The following MGA variants were observed in gnomAD, a reference collection of about 807,000 sequenced individuals.
MGA encodes MAX gene-associated protein.
MGA carries 40 observed loss-of-function variants against 261.1 expected under a neutral mutation model. That is an observed-to-expected ratio of 0.15 (90% CI 0.12 to 0.20). MGA has a LOEUF of 0.20. MGA is among the 10% of genes least tolerant of loss of function. The probability of loss-of-function intolerance (pLI) is 1.00; values close to 1 mark genes in which losing one functional copy is unlikely to be tolerated. For missense variants in MGA, 3,397 were observed against 3,630.5 expected (o/e 0.94, Z 1.65); for synonymous variants, 1,302 against 1,290.6 (o/e 1.01, Z -0.19).
intron 11 of MGA, among the ~76,000 whole-genome samples, chr15:41,731,369 A>T (rs2061501763): frequency 6.6e-6 from 1 of 151,504 alleles, no homozygotes; most frequent in Non-Finnish European, 1.5e-5. Flanking sequence ...GAAAATTTTA[A>T]TTGCCTTTTT....
chr15:41,677,178 C>G (rs565303276), intron 2 of MGA, among the ~76,000 whole-genome samples: 3 of 152,242 alleles, frequency 2.0e-5, no homozygotes, highest in African/African-American at 7.2e-5. Flanking sequence ...CTCGCTCTGT[C>G]GCCCCCAGGC....
chr15:41,727,112 G>T, intron 9 of MGA, 68 bp from the exon 10 acceptor site: 2 of 1,235,098 alleles, frequency 1.6e-6, no homozygotes, highest in Non-Finnish European at 1.1e-6. Flanking sequence ...ATTTTGTTTT[G>T]GCAGTGCCTC....
intron 1 of MGA, among the ~76,000 whole-genome samples, chr15:41,632,484 A>G (rs917435126): frequency 3.3e-5 from 5 of 152,186 alleles, no homozygotes; most frequent in African/African-American, 1.2e-4. Flanking sequence ...GAATGCTGGA[A>G]CCTTTTCAGA....
rs139904313 is a variant in MGA at position 41,695,955 on chromosome 15, A to G, written c.1065-120A>G. 597 of 740,158 alleles carry G rather than the reference A, an allele frequency of 8.1e-4. 2 individuals are homozygous for G. The East Asian group carries it at 0.015, about 18-fold the overall frequency. 45.8% of individuals were successfully genotyped at this position (740,158 alleles called of 1,614,324 possible). On this transcript the variant is annotated intron_variant, in intron 2 of 23. Transcript: ENST00000219905. ...TAGAGTTTTTGAGTGTTTTTGAGGA[A>G]TGGCTCAGGAAATCTGATGTGTTAC...
chr15:41,727,283 T>C lies in MGA; in HGVS notation c.3534T>C (p.Ser1178=), dbSNP rs183859994. The C allele has an allele frequency of 6.2e-7, 1 of 1,614,018 alleles. No homozygotes were observed. The highest frequency in any genetic ancestry group is 1.1e-5 in the South Asian group (1 of 91,088). Residue 1178 remains serine, a synonymous_variant, in exon 10 of 24, where the codon TCT becomes TCC. Coordinates refer to ENST00000219905, the MANE Select transcript of MGA (RefSeq NM_001164273.2). ...AACCAGTTTATATCCCCACGCCTTC[T>C]GTCATTGAGCCTATGAAACCATTGT...
At chr15:41,756,758 T>G (rs2063171666) in intron 18 of MGA, among the ~76,000 whole-genome samples, 1 of 152,180 alleles carries the variant, frequency 6.6e-6, no homozygotes, top group African/African-American at 2.4e-5. Flanking sequence ...TTTGTACTTT[T>G]ATTTTCGATA....
Position 41,725,561 on chromosome 15 carries a change from C to CATTTTTT in MGA, c.3431-1619_3431-1618insATTTTTT, listed in dbSNP as rs2061181128. Among the ~76,000 whole-genome samples, 165 of 53,526 alleles carry CATTTTTT rather than the reference C, an allele frequency of 3.1e-3. 1 individual carries two copies. Among genetic ancestry groups the CATTTTTT allele is most frequent in the Middle Eastern group, 0.012 (1 of 82 alleles). The allele number at this position is 53,526 out of a possible 152,430, so 35.1% of individuals were successfully genotyped here. ...AAAAATAAATAAGTAGGGCCGGGCG[C>CATTTTTT]GGTGGCTCACGCCTGTAATCCCAGC... On this transcript the variant is annotated intron_variant, in intron 9 of 23. Transcript: ENST00000219905.
intron 19 of MGA, 130 bp downstream of exon 19, chr15:41,757,969 TA>T: frequency 1.5e-6 from 1 of 672,580 alleles, no homozygotes; most frequent in East Asian, 2.7e-5. Context: ...TGAGTTAATA[TA>T]ATCAGTTTTT....
intron 15 of MGA, among the ~76,000 whole-genome samples, chr15:41,745,281 T>TTAAAAAAAA (rs1555432883): frequency 4.2e-4 from 14 of 33,222 alleles, no homozygotes; most frequent in Admixed American, 1.2e-3. Flanking sequence ...GAATGATCAA[T>TTAAAAAAAA]AAAAAAAAAA....
At chr15:41,754,029 CCACCTCAGGTT>C (rs1487434945) in intron 17 of MGA, among the ~76,000 whole-genome samples, 1 of 152,122 alleles carries the variant, frequency 6.6e-6, no homozygotes, top group Admixed American at 6.5e-5. Context: ...AGCAATCCTC[CCACCTCAGGTT>C]TCCGAGTAGC....
intron 19 of MGA, among the ~76,000 whole-genome samples, chr15:41,758,676 G>A (rs1361303475): frequency 6.6e-6 from 1 of 152,086 alleles, no homozygotes; most frequent in Non-Finnish European, 1.5e-5. Context: ...TATATTTAAT[G>A]TTTATATTGC....
intron 2 of MGA, among the ~76,000 whole-genome samples, chr15:41,692,187 C>G: frequency 6.6e-6 from 1 of 152,160 alleles, no homozygotes; most frequent in Non-Finnish European, 1.5e-5. Context: ...TTCAGCTCAC[C>G]TCTCGTTTCA....
chr15:41,636,396 G>A (rs987922314), intron 1 of MGA, among the ~76,000 whole-genome samples: 3 of 150,652 alleles, frequency 2.0e-5, no homozygotes, highest in African/African-American at 4.9e-5. Context: ...AGGTTCAAGC[G>A]TTTCTTCTGC....
intron 13 of MGA, among the ~76,000 whole-genome samples, chr15:41,738,964 A>T (rs1360556486): frequency 1.3e-5 from 2 of 152,154 alleles, no homozygotes; most frequent in Admixed American, 6.5e-5. Context: ...TCTCCTCACC[A>T]GTTCCCTGTT....
intron 2 of MGA, among the ~76,000 whole-genome samples, chr15:41,685,209 AT>A (rs1437018367): frequency 3.3e-5 from 5 of 152,200 alleles, no homozygotes; most frequent in Non-Finnish European, 7.3e-5. Context: ...AGCATCACTT[AT>A]TGAAAATAAT....
chr15:41,665,468 CCTTGG>C (rs2057674968), intron 1 of MGA, among the ~76,000 whole-genome samples: 1 of 151,792 alleles, frequency 6.6e-6, no homozygotes, highest in Admixed American at 6.6e-5. Context: ...CTCACTGCAG[CCTTGG>C]CCTCCCCACC....
chr15:41,754,694 A>G, intron 18 of MGA, 127 bp downstream of exon 18: 1 of 1,068,688 alleles, frequency 9.4e-7, no homozygotes, highest in Non-Finnish European at 1.3e-6. Context: ...TTTTCTGATT[A>G]GTATAGATGA....
At chr15:41,656,987 G>A (rs2057216876), upstream of MGA, among the ~76,000 whole-genome samples, 1 of 151,974 alleles carries the variant, frequency 6.6e-6, no homozygotes, top group Non-Finnish European at 1.5e-5. Context: ...TGTCCAGGCT[G>A]GTTTTGAACT....
At chr15:41,740,828 A>G (rs1028671281) in intron 14 of MGA, among the ~76,000 whole-genome samples, 2 of 152,226 alleles carry the variant, frequency 1.3e-5, no homozygotes, top group Non-Finnish European at 2.9e-5. Context: ...TCTCTGTTCT[A>G]TGAATGAAAA....
Sources: allele counts gnomAD v4.1 joint callset (sites outside exome capture counted in the v4.1 genomes callset), GRCh38; gene constraint gnomAD v4.1.1; transcripts MANE v1.5; gene names NCBI Gene and HGNC (gene_info 2026-07-23, HGNC 2026-07-21).